The following SH2B1 variants were observed in gnomAD, a reference collection of about 807,000 sequenced individuals.
The protein encoded by SH2B1 is SH2B adaptor protein 1.
In SH2B1, 15 loss-of-function variants were observed where a neutral mutation model predicts 62.6. The ratio of observed to expected loss-of-function variants is 0.24; its 90% CI spans 0.16 to 0.37. SH2B1 has a LOEUF of 0.37. SH2B1 is among the 10% of genes least tolerant of loss of function. The pLI is 1.00. For missense variants in SH2B1, 925 were observed against 1,015.6 expected, an observed-to-expected ratio of 0.91 and a Z score of 1.21; for synonymous variants, 443 against 438.0, an observed-to-expected ratio of 1.01 and a Z score of -0.14.
At chr16:28,851,621 C>A (rs867506353) in intron 1 of SH2B1, among the ~76,000 whole-genome samples, 1 of 151,400 alleles carries the variant, frequency 6.6e-6, no homozygotes, top group African/African-American at 2.4e-5. Flanking sequence ...TGCCACCACG[C>A]CCAGGTAATT....
chr16:28,857,388 TG>T (rs1962342813), intron 1 of SH2B1, among the ~76,000 whole-genome samples: 1 of 116,690 alleles, frequency 8.6e-6, no homozygotes. Context: ...TTCACAAGAA[TG>T]GCTCATAATG....
Position 28,864,565 on chromosome 16 carries a change from T to C in SH2B1, c.-1530T>C, listed in dbSNP as rs1310957786. On this transcript the variant is annotated 5_prime_UTR_variant, in exon 1 of 8. Transcript: ENST00000684370. ...TCGAGGCCCAGGAGGAAGGGGAGGG[T>C]TCACCGACTTACAGCCTGGCTGTAG... 7.1e-6 allele frequency: 7 copies of C among 985,380 alleles called. No individual in the cohort carries two copies. Among genetic ancestry groups the C allele is most frequent in the Non-Finnish European group, 7.2e-6 (6 of 830,038 alleles). The allele number at this position is 985,380 out of a possible 1,614,324, so 61.0% of individuals were successfully genotyped here.
intron 1 of SH2B1, among the ~76,000 whole-genome samples, chr16:28,856,352 G>C (rs1175481599): frequency 1.3e-5 from 2 of 151,426 alleles, no homozygotes; most frequent in Admixed American, 1.3e-4. Flanking sequence ...AGGATTTATT[G>C]AATCATTTCA....
At position 28,866,338 on chromosome 16, in the gene SH2B1, C is replaced by T. The variant is rs375583410; in HGVS notation, c.244C>T (p.Arg82Trp). 10 of 1,612,302 alleles carry T rather than the reference C, an allele frequency of 6.2e-6. No individual in the cohort carries two copies. Among genetic ancestry groups the T allele is most frequent in the Middle Eastern group, 1.6e-4 (1 of 6,082 alleles). Residue 82 changes from arginine to tryptophan, a missense_variant, in exon 1 of 8, where the codon CGG becomes TGG. Physicochemically the swap from Arg to Trp is moderately radical, Grantham distance 101. Coordinates refer to ENST00000684370, the MANE Select transcript of SH2B1 (RefSeq NM_001387430.1). This position sits in a 1 kb window ranked among gnomAD's most constrained non-coding sequence, Gnocchi z 6.3. ...GCAGCACTTTGAAGCCGAGGTGGCC[C>T]GGGCCTCTGGCTCCCTGTCGCCACC... is the stretch of plus-strand genomic sequence containing the variant. The part of the protein sequence containing the change: ...FLQHFEAEVA[R>W]ASGSLSPPIL...
In SH2B1 at chr16:28,869,340, C is replaced by T; in HGVS notation, c.1266C>T (p.Asp422=). 1 of 1,614,128 alleles carries T rather than the reference C, an allele frequency of 6.2e-7. No individual in the cohort carries two copies. Among genetic ancestry groups the T allele is most frequent in the African/African-American group, 1.3e-5 (1 of 75,042 alleles). The change falls in exon 4 of 8, where the codon GAC becomes GAT. Residue 422 remains aspartate, a synonymous_variant. Transcript: ENST00000684370. ...LNHSESLPSQ[D]LLLGPSESND... ...ACTCGGAGAGTCTACCCAGCCAGGA[C>T]CTGCTGCTTGGACCCAGCGAGAGCA...
intron 1 of SH2B1, among the ~76,000 whole-genome samples, chr16:28,853,558 G>A (rs1596611967): frequency 8.3e-6 from 1 of 120,828 alleles, no homozygotes; most frequent in Admixed American, 1.0e-4. Flanking sequence ...GTCTCCCTAT[G>A]TTGCCCAGGC....
rs370735455 is a variant in SH2B1, at chr16:28,871,766, CT to C, written c.1310-5del. 5.0e-5 allele frequency: 79 copies of C among 1,580,120 alleles called. No individual in the cohort carries two copies. Among genetic ancestry groups the C allele is most frequent in the African/African-American group, 5.4e-5 (4 of 73,876 alleles). On this transcript the variant is annotated splice_polypyrimidine_tract_variant and intron_variant, in intron 4 of 7. Transcript: ENST00000684370. The stretch of plus-strand genomic sequence containing the variant: ...AATTTCTTGGGTTCTCAGCTTTGCC[CT>C]TTTTTTTTCCAGGGGCATATGGGGG...
chr16:28,874,006 C>A lies in SH2B1; in HGVS notation c.*186C>A. 2.0e-6 allele frequency: 1 copy of A among 490,040 alleles called. No individual in the cohort carries two copies. Among genetic ancestry groups the A allele is most frequent in the Non-Finnish European group, 3.2e-6 (1 of 308,442 alleles). The allele number at this position is 490,040 out of a possible 1,614,324, so 30.4% of individuals were successfully genotyped here. On this transcript the variant is annotated 3_prime_UTR_variant, in exon 8 of 8. Transcript: ENST00000684370. ...CGTCACACACTACAGGTCCCCTCCC[C>A]AGGGCAGGGGATTTGGGCTCCATGA...
Position 28,864,176 on chromosome 16 carries a change from C to A in SH2B1, c.-1919C>A. ...GTAGGGTCGGATCGGAGTATATGGA[C>A]CACCGGGCCCGGAGGGTCCGAGCCG... On this transcript the variant is annotated 5_prime_UTR_variant, in exon 1 of 8. Coordinates refer to ENST00000684370, the MANE Select transcript of SH2B1 (RefSeq NM_001387430.1). The A allele has an allele frequency of 3.7e-6, 4 of 1,079,618 alleles. No individual in the cohort carries two copies. Among genetic ancestry groups the A allele is most frequent in the Non-Finnish European group, 4.5e-6 (4 of 887,546 alleles). 66.9% of individuals were successfully genotyped at this position (1,079,618 alleles called of 1,614,324 possible). A position where few individuals can be genotyped will look rare whatever the true frequency, so the allele number is the denominator to read the frequency against.
intron 1 of SH2B1, among the ~76,000 whole-genome samples, chr16:28,852,826 A>AATT (rs1962192700): frequency 2.5e-5 from 1 of 40,578 alleles, no homozygotes; most frequent in African/African-American, 1.4e-4. Flanking sequence ...TTACATATAT[A>AATT]TTTATATATA....
At chr16:28,853,493 A>T (rs1962254205) in intron 1 of SH2B1, among the ~76,000 whole-genome samples, 1 of 146,288 alleles carries the variant, frequency 6.8e-6, no homozygotes, top group African/African-American at 2.5e-5. Context: ...ATGAGCCACT[A>T]CGCCCAGCGC....
upstream of SH2B1, chr16:28,863,372 G>A (rs1410758782): frequency 3.3e-6 from 1 of 302,558 alleles, no homozygotes; most frequent in Non-Finnish European, 6.2e-6. Context: ...CCTCCCCGCA[G>A]GGCCTCCCCA....
In SH2B1 at chr16:28,852,843, TATATATATTTTTATATATATTTAC is replaced by T. The variant is rs1461153154; in HGVS notation, c.-301+6047_-301+6070del. ...ACATATATATTTATATATATATACA[TATATATATTTTTATATATATTTAC>T]ATATATATTTTTATATATATTTACA... On this transcript the variant is annotated intron_variant, in intron 1 of 10. Coordinates refer to the SH2B1 transcript ENST00000322610. 1.7e-4 allele frequency among the ~76,000 whole-genome samples: 7 copies of T among 41,500 alleles called. 1 individual carries two copies. The highest frequency in any genetic ancestry group is 1.2e-3 in the East Asian group (3 of 2,500). The allele number at this position is 41,500 out of a possible 152,430, so 27.2% of individuals were successfully genotyped here.
chr16:28,849,199 G>A (rs1962046684), intron 1 of SH2B1, among the ~76,000 whole-genome samples: 1 of 152,164 alleles, frequency 6.6e-6, no homozygotes, highest in Admixed American at 6.6e-5. Flanking sequence ...AGCCTCCCAA[G>A]CTCAATCTAC....
chr16:28,872,504 C>G lies in SH2B1; in HGVS notation c.1726-30C>G, dbSNP rs1054652947. ...TTTGTACCTGGCAGGGCCTTTGCCT[C>G]CTACCTCACCTCCCCCATCCCGCCC... On this transcript the variant is annotated intron_variant, in intron 6 of 7. Transcript: ENST00000684370. The surrounding 1 kb of genome is among the most constrained non-coding windows in gnomAD (Gnocchi z 5.3). 3.8e-6 allele frequency: 6 copies of G among 1,594,636 alleles called. No homozygotes were observed. The highest frequency in any genetic ancestry group is 5.1e-6 in the Non-Finnish European group (6 of 1,167,802).
chr16:28,857,713 C>A (rs1376268753), intron 1 of SH2B1, among the ~76,000 whole-genome samples: 1 of 150,930 alleles, frequency 6.6e-6, no homozygotes, highest in Non-Finnish European at 1.5e-5. Flanking sequence ...CTGACCAGAA[C>A]ACCCACTGAG....
chr16:28,868,545 C>T (rs979187639), intron 2 of SH2B1, among the ~76,000 whole-genome samples: 2 of 152,010 alleles, frequency 1.3e-5, no homozygotes, highest in South Asian at 4.2e-4. Flanking sequence ...CTGCAACCTC[C>T]GCCTCCCGGG....
chr16:28,857,885 G>T (rs1345442193), intron 1 of SH2B1, among the ~76,000 whole-genome samples: 1 of 151,820 alleles, frequency 6.6e-6, no homozygotes, highest in Non-Finnish European at 1.5e-5. Flanking sequence ...GACTACAGGC[G>T]CCCACCACCA....
Position 28,872,825 on chromosome 16 carries a change from G to C in SH2B1, c.1897+120G>C. 1.5e-6 allele frequency: 2 copies of C among 1,328,442 alleles called. No individual in the cohort carries two copies. The highest frequency in any genetic ancestry group is 2.1e-6 in the Non-Finnish European group (2 of 944,078). 82.3% of individuals were successfully genotyped at this position (1,328,442 alleles called of 1,614,324 possible). On this transcript the variant is annotated intron_variant, in intron 7 of 7. Transcript: ENST00000684370. The surrounding 1 kb of genome is among the most constrained non-coding windows in gnomAD (Gnocchi z 5.3). ...ACAAGGAGAAGCTTTGCTTGGGAGA[G>C]CAGGGTAGAGGAGGCTGTTGTGCCT... is the stretch of plus-strand genomic sequence containing the variant.
Sources: gnomAD v4.1 joint callset for allele counts (sites outside exome capture counted in the v4.1 genomes callset) on GRCh38, gnomAD v4.1.1 for gene constraint, Gnocchi (gnomAD v3.1) non-coding constraint, MANE v1.5 for transcripts, NCBI Gene and HGNC (gene_info 2026-07-23, HGNC 2026-07-21) for gene names.